Variants in GALNTL6 observed in about 807,000 individuals in gnomAD.
GALNTL6 encodes the protein polypeptide N-acetylgalactosaminyltransferase like 6, also known as polypeptide N-acetylgalactosaminyltransferase-like 6.
A neutral mutation model predicts 73.7 loss-of-function variants in GALNTL6; 46 were observed. The ratio of observed to expected loss-of-function variants is 0.62; its 90% CI spans 0.49 to 0.80. GALNTL6 has a LOEUF of 0.80. Among genes scored for constraint, GALNTL6 ranks in the 30% least tolerant of loss-of-function variants. The pLI, the probability that GALNTL6 is intolerant of heterozygous loss-of-function variation, is 0.00. For synonymous variants in GALNTL6, 259 were observed against 263.7 expected, an observed-to-expected ratio of 0.98 and a Z score of 0.17; for missense variants, 604 against 755.0, an observed-to-expected ratio of 0.80 and a Z score of 2.34.
intron 2 of GALNTL6, among the ~76,000 whole-genome samples, chr4:171,863,354 A>G (rs1175824003): frequency 6.6e-6 from 1 of 152,154 alleles, no homozygotes; most frequent in African/African-American, 2.4e-5. Context: ...ATGGTTTTCT[A>G]TTATTTCATA....
intron 5 of GALNTL6, among the ~76,000 whole-genome samples, chr4:172,481,053 C>G (rs1018232726): frequency 6.6e-6 from 1 of 152,188 alleles, no homozygotes; most frequent in Non-Finnish European, 1.5e-5. Context: ...CGTGGACTAT[C>G]GCGGTGAGTG....
intron 2 of GALNTL6, among the ~76,000 whole-genome samples, chr4:171,920,237 G>A (rs1054697875): frequency 6.6e-6 from 1 of 152,010 alleles, no homozygotes; most frequent in African/African-American, 2.4e-5. Flanking sequence ...TTTGGGGTAG[G>A]GGGAGAGGGG....
intron 2 of GALNTL6, among the ~76,000 whole-genome samples, chr4:172,219,397 C>G (rs1257221313): frequency 6.6e-6 from 1 of 151,234 alleles, no homozygotes; most frequent in Non-Finnish European, 1.5e-5. Context: ...TGACCAAATG[C>G]CCATAAATCT....
intron 3 of GALNTL6, among the ~76,000 whole-genome samples, chr4:172,246,331 T>A (rs556885721): frequency 6.6e-6 from 1 of 152,288 alleles, no homozygotes; most frequent in African/African-American, 2.4e-5. Flanking sequence ...TATTTGGTCA[T>A]AGATAATCAT....
intron 8 of GALNTL6, among the ~76,000 whole-genome samples, chr4:172,911,724 A>T (rs898415074): frequency 2.6e-5 from 4 of 152,226 alleles, no homozygotes; most frequent in African/African-American, 4.8e-5. Flanking sequence ...CCAACAAAAG[A>T]TACCTCAGGT....
intron 2 of GALNTL6, among the ~76,000 whole-genome samples, chr4:172,032,179 C>A (rs1741790457): frequency 6.6e-6 from 1 of 152,066 alleles, no homozygotes; most frequent in African/African-American, 2.4e-5. Context: ...TTCATACAAT[C>A]TTATCCATTA....
At chr4:172,829,592 A>G (rs894562442) in intron 7 of GALNTL6, among the ~76,000 whole-genome samples, 2 of 152,244 alleles carry the variant, frequency 1.3e-5, no homozygotes, top group African/African-American at 4.8e-5. Context: ...AGTGAATTGG[A>G]ATAACCTAAA....
intron 2 of GALNTL6, among the ~76,000 whole-genome samples, chr4:171,963,184 G>A (rs1739280359): frequency 6.6e-6 from 1 of 151,830 alleles, no homozygotes; most frequent in African/African-American, 2.4e-5. Context: ...TGGGAAAGAT[G>A]CTAGAAATCA....
At chr4:173,025,963 C>A (rs1753214336) in intron 12 of GALNTL6, among the ~76,000 whole-genome samples, 2 of 152,182 alleles carry the variant, frequency 1.3e-5, no homozygotes, top group South Asian at 4.1e-4. Flanking sequence ...TTACACTGAT[C>A]ATCATGGCAA....
intron 2 of GALNTL6, among the ~76,000 whole-genome samples, chr4:172,124,619 T>C (rs573563276): frequency 3.9e-5 from 6 of 152,248 alleles, no homozygotes; most frequent in Admixed American, 3.3e-4. Context: ...ACAAAGGAAA[T>C]TATCTTGATA....
chr4:172,793,019 C>T lies in GALNTL6; in HGVS notation c.554-16342C>T, dbSNP rs73869664. On this transcript the variant is annotated intron_variant, in intron 5 of 12. Coordinates refer to ENST00000506823, the MANE Select transcript of GALNTL6 (RefSeq NM_001034845.3). The stretch of plus-strand genomic sequence containing the variant: ...GGAGCCCTATTTGGAGACATTATCG[C>T]CCCATGTGAAAACTTACTATATCCC... Among the ~76,000 whole-genome samples, 1,053 of 152,226 alleles carry T rather than the reference C, an allele frequency of 6.9e-3. 13 individuals are homozygous for T. The highest frequency in any genetic ancestry group is 0.024 in the African/African-American group (988 of 41,532).
intron 5 of GALNTL6, among the ~76,000 whole-genome samples, chr4:172,708,848 A>G (rs1401217744): frequency 1.3e-5 from 2 of 152,040 alleles, no homozygotes; most frequent in Non-Finnish European, 2.9e-5. Context: ...TTTTTTTCCA[A>G]TTCAGATCTC....
chr4:172,675,017 T>C (rs1343754422), intron 5 of GALNTL6, among the ~76,000 whole-genome samples: 1 of 152,216 alleles, frequency 6.6e-6, no homozygotes, highest in Admixed American at 6.5e-5. Flanking sequence ...GCTGGAGACA[T>C]GATGCAGTCA....
chr4:171,997,702 A>G (rs977772109), intron 2 of GALNTL6, among the ~76,000 whole-genome samples: 1 of 152,118 alleles, frequency 6.6e-6, no homozygotes, highest in Non-Finnish European at 1.5e-5. Context: ...CATAAGGAAT[A>G]CAAGTAATAG....
intron 2 of GALNTL6, among the ~76,000 whole-genome samples, chr4:171,898,339 A>G (rs1036277636): frequency 1.2e-4 from 19 of 152,170 alleles, no homozygotes; most frequent in African/African-American, 4.6e-4. Context: ...ATGCGATTCA[A>G]CAATCTTATT....
At chr4:172,226,744 T>A (rs993156970) in intron 2 of GALNTL6, among the ~76,000 whole-genome samples, 2 of 152,046 alleles carry the variant, frequency 1.3e-5, no homozygotes, top group African/African-American at 4.8e-5. Context: ...TCCTTCTGTC[T>A]CTAATTTTGT....
At chr4:172,510,457 T>G (rs13126194) in intron 5 of GALNTL6, among the ~76,000 whole-genome samples, 51,342 of 53,450 alleles carry the variant, frequency 0.96, 25,469 homozygotes, top group Middle Eastern at 1. Flanking sequence ...TGACTGCTGT[T>G]CCTAGGGCTT....
chr4:172,963,924 G>A (rs1355115013), intron 10 of GALNTL6, among the ~76,000 whole-genome samples: 1 of 152,170 alleles, frequency 6.6e-6, no homozygotes, highest in African/African-American at 2.4e-5. Context: ...TACTTAAAAG[G>A]CAGAAGAGAT....
At chr4:172,121,692 G>T (rs1733154512) in intron 2 of GALNTL6, among the ~76,000 whole-genome samples, 1 of 152,068 alleles carries the variant, frequency 6.6e-6, no homozygotes, top group Non-Finnish European at 1.5e-5. Flanking sequence ...CTCAGGCTAG[G>T]TCTACCTGGG....
Sources: allele counts gnomAD v4.1 joint callset (sites outside exome capture counted in the v4.1 genomes callset), GRCh38; gene constraint gnomAD v4.1.1; transcripts MANE v1.5; gene names NCBI Gene and HGNC (gene_info 2026-07-23, HGNC 2026-07-21).